Variants in PHAF1 observed in about 807,000 individuals in gnomAD.
PHAF1 encodes the protein phagosome assembly factor 1.
PHAF1 carries 23 observed loss-of-function variants against 63.1 expected under a neutral mutation model. That is an observed-to-expected ratio of 0.36 (90% CI 0.26 to 0.52). The LOEUF (loss-of-function observed/expected upper bound fraction) is 0.52, where lower values mean the gene tolerates loss of function less well. Among genes scored for constraint, PHAF1 ranks in the 20% least tolerant of loss-of-function variants. The probability of loss-of-function intolerance (pLI) is 0.93; values close to 1 mark genes in which losing one functional copy is unlikely to be tolerated. For missense variants in PHAF1, 427 were observed against 517.2 expected (o/e 0.83, Z 1.69); for synonymous variants, 167 against 185.0 (o/e 0.90, Z 0.79).
At position 67,147,248 on chromosome 16, in the gene PHAF1, T is replaced by C. The variant is rs921724900; in HGVS notation, c.*117T>C. 1 of 982,094 alleles carries C rather than the reference T, an allele frequency of 1.0e-6. No homozygotes were observed. The highest frequency in any genetic ancestry group is 2.6e-5 in the East Asian group (1 of 39,086). 60.8% of individuals were successfully genotyped at this position (982,094 alleles called of 1,614,324 possible). A position where few individuals can be genotyped will look rare whatever the true frequency, so the allele number is the denominator to read the frequency against. ...CACCTGGCCAGTGCTGAAGGGCTGT[T>C]GTGATGTTCTGAGGTTGGGCTCAGG... is the stretch of plus-strand genomic sequence containing the variant. On this transcript the variant is annotated 3_prime_UTR_variant, in exon 16 of 16. Coordinates refer to ENST00000219139, the MANE Select transcript of PHAF1 (RefSeq NM_025187.5).
chr16:67,134,130 G>A (rs767294977), intron 6 of PHAF1, 38 bp from the exon 7 acceptor site: 2 of 1,541,638 alleles, frequency 1.3e-6, no homozygotes, highest in Non-Finnish European at 1.8e-6. Context: ...CCCATCACCT[G>A]TTGTGCCCTA....
intron 9 of PHAF1, 66 bp from the exon 10 acceptor site, chr16:67,140,445 C>A: frequency 7.6e-7 from 1 of 1,319,548 alleles, no homozygotes; most frequent in Non-Finnish European, 1.1e-6. Context: ...AATTTGTAGA[C>A]TTTCAGTTAA....
intron 14 of PHAF1, 67 bp downstream of exon 14, chr16:67,145,695 G>T (rs1567656479): frequency 6.6e-7 from 1 of 1,517,034 alleles, no homozygotes; most frequent in Non-Finnish European, 8.9e-7. Context: ...GCCCAGGGAA[G>T]CCTGGCACAG....
At chr16:67,141,939 T>C (rs1011071022) in intron 10 of PHAF1, among the ~76,000 whole-genome samples, 2 of 152,204 alleles carry the variant, frequency 1.3e-5, no homozygotes, top group African/African-American at 4.8e-5. Context: ...GCCTTATTTG[T>C]GTTACACCTC....
chr16:67,133,468 A>G (rs1324794704), intron 6 of PHAF1, among the ~76,000 whole-genome samples: 1 of 150,506 alleles, frequency 6.6e-6, no homozygotes, highest in Non-Finnish European at 1.5e-5. Context: ...CACGTTGGCC[A>G]ACATGGTGAA....
chr16:67,111,343 G>C (rs754318531), intron 1 of PHAF1, among the ~76,000 whole-genome samples: 11 of 152,192 alleles, frequency 7.2e-5, no homozygotes, highest in Non-Finnish European at 8.8e-5. Context: ...TTTGCATTCA[G>C]TAACCCCTGT....
chr16:67,133,167 T>C (rs912554921), intron 6 of PHAF1, among the ~76,000 whole-genome samples: 2 of 152,124 alleles, frequency 1.3e-5, no homozygotes, highest in South Asian at 4.1e-4. Flanking sequence ...AGAGATAAGT[T>C]CATTCATTCC....
intron 11 of PHAF1, 52 bp downstream of exon 11, chr16:67,144,428 A>C: frequency 7.4e-7 from 1 of 1,353,810 alleles, no homozygotes; most frequent in South Asian, 1.2e-5. Context: ...TTGGGCTGAA[A>C]ACCCCAGGAA....
In PHAF1 at chr16:67,126,054, T is replaced by A. The variant is rs1254121716; in HGVS notation, c.231+12T>A. On this transcript the variant is annotated intron_variant, in intron 3 of 15. Transcript: ENST00000219139. ...ATCAGAGACTTAAGGTAACTATAAA[T>A]GACAACTAATGTTTCATGTCCAGCT... is the stretch of plus-strand genomic sequence containing the variant. 16 of 1,583,754 alleles carry A rather than the reference T, an allele frequency of 1.0e-5. No individual in the cohort carries two copies. The highest frequency in any genetic ancestry group is 1.4e-5 in the Non-Finnish European group (16 of 1,153,558).
intron 11 of PHAF1, 26 bp from the exon 12 acceptor site, chr16:67,144,808 C>A: frequency 6.2e-7 from 1 of 1,613,504 alleles, no homozygotes; most frequent in Non-Finnish European, 8.5e-7. Flanking sequence ...GGAGGCCCAG[C>A]CTTTACCCAT....
At chr16:67,125,370 G>C (rs140290165) in intron 2 of PHAF1, among the ~76,000 whole-genome samples, 1 of 152,230 alleles carries the variant, frequency 6.6e-6, no homozygotes, top group African/African-American at 2.4e-5. Flanking sequence ...GGGAGGCTGG[G>C]GGGAGAGAGA....
Position 67,120,198 on chromosome 16 carries a change from AGT to A in PHAF1, c.147+6_147+7del. On this transcript the variant is annotated splice_donor_5th_base_variant and intron_variant, in intron 2 of 15. Coordinates refer to ENST00000219139, the MANE Select transcript of PHAF1 (RefSeq NM_025187.5). The stretch of plus-strand genomic sequence containing the variant: ...CCAGGTTCTCTACAGTGAACAGGTG[AGT>A]GGTGGCTGATTTGTTTATTGAAATA... 1 of 1,611,664 alleles carries A rather than the reference AGT, an allele frequency of 6.2e-7. No homozygotes were observed. The highest frequency in any genetic ancestry group is 1.7e-5 in the Admixed American group (1 of 59,790).
intron 1 of PHAF1, among the ~76,000 whole-genome samples, chr16:67,118,041 A>C (rs1597185464): frequency 3.1e-5 from 4 of 129,778 alleles, no homozygotes; most frequent in South Asian, 2.4e-4. Context: ...TGCAAGCTCC[A>C]CCTCCCAGGT....
chr16:67,110,263 G>A, intron 1 of PHAF1, 24 bp downstream of exon 1: 1 of 1,551,046 alleles, frequency 6.4e-7, no homozygotes, highest in Non-Finnish European at 8.7e-7. Flanking sequence ...CCTCTGTCAG[G>A]ACCCCATTCG....
At chr16:67,112,080 G>A (rs1962540854) in intron 1 of PHAF1, among the ~76,000 whole-genome samples, 1 of 152,160 alleles carries the variant, frequency 6.6e-6, no homozygotes, top group Non-Finnish European at 1.5e-5. Context: ...TGCTAATGCT[G>A]TTTGGCTTCT....
Position 67,122,303 on chromosome 16 carries a change from C to T in PHAF1, c.147+2109C>T, listed in dbSNP as rs180882335. On this transcript the variant is annotated intron_variant, in intron 2 of 15. Coordinates refer to ENST00000219139, the MANE Select transcript of PHAF1 (RefSeq NM_025187.5). ...ATTTTCCCCAATATCTTCTGAGCAA[C>T]TTTAACACATTAGCAAATATGGGTT... Among the ~76,000 whole-genome samples, 18 of 152,276 alleles carry T rather than the reference C, an allele frequency of 1.2e-4. No homozygotes were observed. The East Asian group carries it at 3.3e-3, about 28-fold the overall frequency.
chr16:67,143,804 TG>T (rs1963892417), intron 10 of PHAF1, among the ~76,000 whole-genome samples: 1 of 151,464 alleles, frequency 6.6e-6, no homozygotes, highest in Admixed American at 6.6e-5. Flanking sequence ...AGATAAGGTA[TG>T]GGGCCAGGCA....
At chr16:67,123,215 C>T (rs1372659425) in intron 2 of PHAF1, among the ~76,000 whole-genome samples, 4 of 151,584 alleles carry the variant, frequency 2.6e-5, no homozygotes, top group African/African-American at 4.9e-5. Context: ...GGGCTCCAGC[C>T]GTCCTCCCAC....
chr16:67,129,223 T>G (rs1963302128), intron 3 of PHAF1, among the ~76,000 whole-genome samples: 1 of 152,230 alleles, frequency 6.6e-6, no homozygotes. Flanking sequence ...TCCTGGCACT[T>G]CTTTTCATGC....
Sources: allele counts gnomAD v4.1 joint callset (sites outside exome capture counted in the v4.1 genomes callset), GRCh38; gene constraint gnomAD v4.1.1; transcripts MANE v1.5; gene names NCBI Gene and HGNC (gene_info 2026-07-23, HGNC 2026-07-21).